The following INPP5A variants were observed in gnomAD, a reference collection of about 807,000 sequenced individuals.
The protein encoded by INPP5A is inositol polyphosphate-5-phosphatase A.
A neutral mutation model predicts 65.2 loss-of-function variants in INPP5A; 14 were observed. The observed-to-expected ratio is 0.21, with a 90% CI of 0.14 to 0.34. The LOEUF is 0.34. INPP5A is among the 10% of genes least tolerant of loss of function. INPP5A has a pLI of 1.00. For synonymous variants in INPP5A, 207 were observed against 208.3 expected, an observed-to-expected ratio of 0.99 and a Z score of 0.05; for missense variants, 431 against 545.6, an observed-to-expected ratio of 0.79 and a Z score of 2.09.
At chr10:132,734,065 A>G (rs1846133927) in intron 9 of INPP5A, among the ~76,000 whole-genome samples, 1 of 152,214 alleles carries the variant, frequency 6.6e-6, no homozygotes, top group Non-Finnish European at 1.5e-5. Flanking sequence ...GCAGCTGGTG[A>G]ACCGGGGCTG....
chr10:132,723,600 T>TGTGGGGA (rs1845930572), intron 8 of INPP5A, among the ~76,000 whole-genome samples: 14 of 53,690 alleles, frequency 2.6e-4, no homozygotes, highest in African/African-American at 9.9e-4. Flanking sequence ...TGGGGATTGG[T>TGTGGGGA]TTTGTGGGGA....
chr10:132,598,415 T>A (rs1164987284), intron 1 of INPP5A, among the ~76,000 whole-genome samples: 1 of 152,244 alleles, frequency 6.6e-6, no homozygotes, highest in African/African-American at 2.4e-5. Flanking sequence ...CTGCCCCCAG[T>A]TCCTTTGTCA....
chr10:132,627,044 G>A lies in INPP5A; in HGVS notation c.118-18824G>A. ...AGGTGATGGGGTGAGATGAGGTTAT[G>A]CGGTGGGCCCCCCGGATGGGATGGG... On this transcript the variant is annotated intron_variant, in intron 2 of 15. Transcript: ENST00000368594. This position sits in a 1 kb window ranked among gnomAD's most constrained non-coding sequence, Gnocchi z 6.6. 6.6e-6 allele frequency among the ~76,000 whole-genome samples: 1 copy of A among 152,176 alleles called. No homozygotes were observed. The highest frequency in any genetic ancestry group is 6.5e-5 in the Admixed American group (1 of 15,286).
chr10:132,671,232 C>A (rs2072885826), intron 4 of INPP5A, among the ~76,000 whole-genome samples: 1 of 152,084 alleles, frequency 6.6e-6, no homozygotes, highest in Non-Finnish European at 1.5e-5. Context: ...GCAACTGGGG[C>A]CCCTGGAGCC....
intron 9 of INPP5A, 92 bp downstream of exon 9, chr10:132,726,997 C>A: frequency 1.3e-6 from 1 of 779,586 alleles, no homozygotes; most frequent in Non-Finnish European, 2.0e-6. Context: ...CTGGCACTTT[C>A]AATGCCATCC....
intron 13 of INPP5A, 114 bp from the exon 14 acceptor site, chr10:132,780,735 C>T (rs1406949499): frequency 2.2e-5 from 19 of 861,646 alleles, no homozygotes; most frequent in Admixed American, 5.2e-5. Flanking sequence ...TGGCAGGGGC[C>T]GACATCCCCA....
chr10:132,708,668 T>A (rs1845581551), intron 7 of INPP5A, among the ~76,000 whole-genome samples: 2 of 152,182 alleles, frequency 1.3e-5, no homozygotes, highest in African/African-American at 4.8e-5. Flanking sequence ...CACAGAGAAG[T>A]CAGCAGGGAG....
intron 6 of INPP5A, among the ~76,000 whole-genome samples, chr10:132,701,773 C>T (rs1343595104): frequency 6.6e-6 from 1 of 152,266 alleles, no homozygotes; most frequent in African/African-American, 2.4e-5. Context: ...CCAGCCCTGG[C>T]TGCCTGCTTG....
intron 12 of INPP5A, among the ~76,000 whole-genome samples, chr10:132,776,238 C>T (rs1048359288): frequency 6.6e-6 from 1 of 152,204 alleles, no homozygotes; most frequent in Non-Finnish European, 1.5e-5. Context: ...TGCGTAGCTA[C>T]GTTTTTAACC....
chr10:132,701,070 G>A (rs1037937019), intron 6 of INPP5A, among the ~76,000 whole-genome samples: 4 of 152,280 alleles, frequency 2.6e-5, no homozygotes, highest in South Asian at 2.1e-4. Flanking sequence ...TGCTCTGAGC[G>A]GGCCTTCGGC....
chr10:132,665,284 A>T (rs1564955492), intron 4 of INPP5A, among the ~76,000 whole-genome samples: 1 of 152,206 alleles, frequency 6.6e-6, no homozygotes, highest in Non-Finnish European at 1.5e-5. Context: ...CCTTGAGAAC[A>T]CAGGAAAGCC....
At chr10:132,657,912 C>T (rs1371146499) in intron 4 of INPP5A, among the ~76,000 whole-genome samples, 1 of 152,224 alleles carries the variant, frequency 6.6e-6, no homozygotes, top group Non-Finnish European at 1.5e-5. Flanking sequence ...CTTCATGCTC[C>T]CCTAAATCAC....
chr10:132,679,026 C>T (rs1213647700), intron 4 of INPP5A, among the ~76,000 whole-genome samples: 2 of 152,136 alleles, frequency 1.3e-5, no homozygotes, highest in East Asian at 1.9e-4. Context: ...CTGTGCAGGA[C>T]GTGGCTGGGA....
At position 132,704,500 on chromosome 10, in the gene INPP5A, G is replaced by A. The variant is rs924796756; in HGVS notation, c.475-3813G>A. On this transcript the variant is annotated intron_variant, in intron 6 of 15. Transcript: ENST00000368594. The surrounding 1 kb of genome is among the most constrained non-coding windows in gnomAD (Gnocchi z 4.5). ...GCCAGCCCGCGGCGGCTGCTGGTGCGCAGAGCCACCCCTCGCAGCCCGCCG... is the reference window on the plus strand; with the variant it reads ...GCCAGCCCGCGGCGGCTGCTGGTGCACAGAGCCACCCCTCGCAGCCCGCCG... 2.0e-5 allele frequency among the ~76,000 whole-genome samples: 3 copies of A among 152,234 alleles called. No individual in the cohort carries two copies. The highest frequency in any genetic ancestry group is 7.2e-5 in the African/African-American group (3 of 41,454).
intron 1 of INPP5A, among the ~76,000 whole-genome samples, chr10:132,578,909 C>T (rs1362218722): frequency 6.6e-6 from 1 of 152,174 alleles, no homozygotes; most frequent in Non-Finnish European, 1.5e-5. Flanking sequence ...GGTGCTCAGT[C>T]CGCCTGCCTT....
chr10:132,665,026 G>A (rs888078748), intron 4 of INPP5A, among the ~76,000 whole-genome samples: 1 of 152,186 alleles, frequency 6.6e-6, no homozygotes, highest in Non-Finnish European at 1.5e-5. Flanking sequence ...TCCTGAAGTC[G>A]TGGCCTGGCA....
chr10:132,666,221 G>A (rs2072800103), intron 4 of INPP5A, among the ~76,000 whole-genome samples: 1 of 152,114 alleles, frequency 6.6e-6, no homozygotes, highest in African/African-American at 2.4e-5. Context: ...AGGAACTTGG[G>A]GGAGTAATTC....
intron 1 of INPP5A, among the ~76,000 whole-genome samples, chr10:132,539,459 C>T (rs2070881850): frequency 6.6e-6 from 1 of 152,162 alleles, no homozygotes; most frequent in Non-Finnish European, 1.5e-5. Context: ...CCCTCCCACC[C>T]AAGCCTCATT....
At position 132,651,387 on chromosome 10, in the gene INPP5A, C is replaced by T. The variant is rs568911997; in HGVS notation, c.306+882C>T. Among the ~76,000 whole-genome samples, 32 of 139,846 alleles carry T rather than the reference C, an allele frequency of 2.3e-4. No individual in the cohort carries two copies. The highest frequency in any genetic ancestry group is 4.6e-4 in the Non-Finnish European group (29 of 63,658). The allele number at this position is 139,846 out of a possible 152,430, so 91.7% of individuals were successfully genotyped here. ...TCCCCCGGCCTGGGTCCATCTCCCC[C>T]GTCTCTGGGGAGGCCCTGGGTCCCC... is the stretch of plus-strand genomic sequence containing the variant. On this transcript the variant is annotated intron_variant, in intron 4 of 15. Transcript: ENST00000368594. This position sits in a 1 kb window ranked among gnomAD's most constrained non-coding sequence, Gnocchi z 5.0.
Sources: allele counts gnomAD v4.1 joint callset (sites outside exome capture counted in the v4.1 genomes callset), GRCh38; gene constraint gnomAD v4.1.1; non-coding constraint Gnocchi (gnomAD v3.1); transcripts MANE v1.5; gene names NCBI Gene and HGNC (gene_info 2026-07-23, HGNC 2026-07-21).